Variants in CIITA observed in about 807,000 individuals in gnomAD.
CIITA encodes class II major histocompatibility complex transactivator.
In CIITA, 72 loss-of-function variants were observed where a neutral mutation model predicts 115.1. That is an observed-to-expected ratio of 0.63 (90% CI 0.52 to 0.76). The LOEUF (loss-of-function observed/expected upper bound fraction) is 0.76. Among genes scored for constraint, CIITA ranks in the 30% least tolerant of loss-of-function variants. CIITA has a pLI of 0.00. For synonymous variants in CIITA, 763 were observed against 635.6 expected, an observed-to-expected ratio of 1.20 and a Z score of -3.02; for missense variants, 1,617 against 1,463.8, an observed-to-expected ratio of 1.10 and a Z score of -1.71.
chr16:10,875,854 T>C (rs2143375585), upstream of CIITA, among the ~76,000 whole-genome samples: 2 of 152,142 alleles, frequency 1.3e-5, no homozygotes, highest in Middle Eastern at 3.4e-3. Context: ...AAAAATCATT[T>C]GTAGAAAAAT....
At chr16:10,911,146 A>G (rs2039534249) in intron 13 of CIITA, among the ~76,000 whole-genome samples, 1 of 152,222 alleles carries the variant, frequency 6.6e-6, no homozygotes, top group Non-Finnish European at 1.5e-5. Context: ...ATGGGCCCCA[A>G]GAAAGCACAA....
intron 8 of CIITA, among the ~76,000 whole-genome samples, 153 bp downstream of exon 8, chr16:10,902,954 C>T (rs1567407892): frequency 6.6e-6 from 1 of 152,192 alleles, no homozygotes; most frequent in Non-Finnish European, 1.5e-5. Context: ...TCCCTATTTC[C>T]CAAAAATCAA....
intron 10 of CIITA, among the ~76,000 whole-genome samples, 197 bp from the exon 11 acceptor site, chr16:10,906,302 G>T (rs769766438): frequency 6.6e-6 from 1 of 152,240 alleles, no homozygotes; most frequent in Non-Finnish European, 1.5e-5. Flanking sequence ...TGAGGTTGCA[G>T]CGAGCTGTGA....
At position 10,906,860 on chromosome 16, in the gene CIITA, G is replaced by A. The variant is rs1187269423; in HGVS notation, c.1368G>A (p.Leu456=). The A allele has an allele frequency of 1.2e-6, 2 of 1,613,496 alleles. No individual in the cohort carries two copies. Among genetic ancestry groups the A allele is most frequent in the Non-Finnish European group, 1.7e-6 (2 of 1,180,040 alleles). Residue 456 remains leucine, a synonymous_variant, in exon 11 of 20, where the codon TTG becomes TTA. Coordinates refer to ENST00000324288, the MANE Select transcript of CIITA (RefSeq NM_000246.4). ...TCTTCTCTGTCCCCTGCCATTGCTT[G>A]AACCGTCCGGGGGATGCCTATGGCC... ...DFVFSVPCHC[L]NRPGDAYGLQ...
At chr16:10,914,615 T>G (rs973207797) in intron 13 of CIITA, among the ~76,000 whole-genome samples, 1 of 152,174 alleles carries the variant, frequency 6.6e-6, no homozygotes, top group Admixed American at 6.5e-5. Context: ...TAAACGGCCC[T>G]TCGTTGTCCT....
rs1327084806 is a variant in CIITA at position 10,901,382 on chromosome 16, G to A, written c.437-132G>A. The A allele has an allele frequency of 1.1e-6, 1 of 889,148 alleles. No individual in the cohort carries two copies. The highest frequency in any genetic ancestry group is 2.0e-5 in the Admixed American group (1 of 50,792). The allele number at this position is 889,148 out of a possible 1,614,324, so 55.1% of individuals were successfully genotyped here. A position where few individuals can be genotyped will look rare whatever the true frequency, so the allele number is the denominator to read the frequency against. On this transcript the variant is annotated intron_variant, in intron 5 of 19. Transcript: ENST00000324288. This position sits in a 1 kb window ranked among gnomAD's most constrained non-coding sequence, Gnocchi z 6.8. ...GCTGGGGTTGGAATGTTAGAGCGAG[G>A]GGAGGAAAATGGACCCCCAAGACCA...
Position 10,942,024 on chromosome 16 carries a change from G to C in CIITA, n.1150G>C. 1 of 1,395,136 alleles carries C rather than the reference G, an allele frequency of 7.2e-7. No homozygotes were observed. Among genetic ancestry groups the C allele is most frequent in the Non-Finnish European group, 9.3e-7 (1 of 1,075,790 alleles). The allele number at this position is 1,395,136 out of a possible 1,614,324, so 86.4% of individuals were successfully genotyped here. ...CGAGCATGCAGCGGGTGGCAAGGGCGGCGGCCCGGCGATCCCGGCGAACTC... is the reference window on the plus strand; with the variant it reads ...CGAGCATGCAGCGGGTGGCAAGGGCCGCGGCCCGGCGATCCCGGCGAACTC... On this transcript the variant is annotated non_coding_transcript_exon_variant, in exon 2 of 2. Transcript: ENST00000573379. This position sits in a 1 kb window ranked among gnomAD's most constrained non-coding sequence, Gnocchi z 5.0.
In CIITA at chr16:10,929,264, T is replaced by C. The variant is rs1040334611; in HGVS notation, c.*5409T>C. 1.0e-6 allele frequency: 1 copy of C among 985,808 alleles called. No homozygotes were observed. The highest frequency in any genetic ancestry group is 6.1e-5 in the Admixed American group (1 of 16,262). 61.1% of individuals were successfully genotyped at this position (985,808 alleles called of 1,614,324 possible). On this transcript the variant is annotated 3_prime_UTR_variant, in exon 20 of 20. Transcript: ENST00000324288. The surrounding 1 kb of genome is among the most constrained non-coding windows in gnomAD (Gnocchi z 4.3). ...TTTTGCGTGTGTCCGCAGTTTGAAG[T>C]GTCCTCTCCGAAGGTGAAGTGGGGG...
At chr16:10,882,861 C>A (rs1197116443) in intron 1 of CIITA, among the ~76,000 whole-genome samples, 5 of 151,898 alleles carry the variant, frequency 3.3e-5, no homozygotes, top group Admixed American at 1.3e-4. Context: ...CACACCATTG[C>A]ACTCCAGCCT....
At chr16:10,890,647 A>G (rs1263770561) in intron 1 of CIITA, among the ~76,000 whole-genome samples, 3 of 152,152 alleles carry the variant, frequency 2.0e-5, no homozygotes, top group African/African-American at 7.2e-5. Flanking sequence ...AAAAGAACAG[A>G]AAGCTCGGCT....
At chr16:10,890,484 A>G (rs11643400) in intron 1 of CIITA, among the ~76,000 whole-genome samples, 135,406 of 152,116 alleles carry the variant, frequency 0.89, 62,430 homozygotes, top group East Asian at 1. Flanking sequence ...ATAGGGCTTC[A>G]CCATGTTGCC....
At chr16:10,890,942 C>T (rs1433703087) in intron 1 of CIITA, among the ~76,000 whole-genome samples, 1 of 152,052 alleles carries the variant, frequency 6.6e-6, no homozygotes, top group Non-Finnish European at 1.5e-5. Flanking sequence ...ATGAACTTGC[C>T]CAGGTTACAG....
intron 8 of CIITA, among the ~76,000 whole-genome samples, chr16:10,903,002 A>G (rs1301084761): frequency 1.3e-5 from 2 of 152,246 alleles, no homozygotes; most frequent in African/African-American, 2.4e-5. Context: ...GTCTGGGTGC[A>G]TGACCAAGAG....
intron 1 of CIITA, among the ~76,000 whole-genome samples, chr16:10,882,704 C>A (rs563298629): frequency 1.3e-5 from 2 of 152,158 alleles, no homozygotes; most frequent in Non-Finnish European, 2.9e-5. Flanking sequence ...TCGAGACCAG[C>A]CTGGGCAACA....
Position 10,941,422 on chromosome 16 carries a change from T to C in CIITA, n.548T>C. On this transcript the variant is annotated non_coding_transcript_exon_variant, in exon 2 of 2. Transcript: ENST00000573379. This position sits in a 1 kb window ranked among gnomAD's most constrained non-coding sequence, Gnocchi z 6.4. Reference sequence around the variant, plus strand: ...GCCCAAACGAAGGGCTTAAGAGGAGTCTGGCCATTCCTGGCATCCAGTTAG... The same window carrying C: ...GCCCAAACGAAGGGCTTAAGAGGAGCCTGGCCATTCCTGGCATCCAGTTAG... The C allele has an allele frequency of 2.8e-6, 2 of 725,738 alleles. No individual in the cohort carries two copies. The highest frequency in any genetic ancestry group is 3.7e-6 in the Non-Finnish European group (2 of 534,460). 45.0% of individuals were successfully genotyped at this position (725,738 alleles called of 1,614,324 possible).
At position 10,941,700 on chromosome 16, in the gene CIITA, G is replaced by C. The variant is rs534448508; in HGVS notation, n.826G>C. ...GGTTGCGGATCGTGTAGGGAAGAGGGGAACAGCAGTCGAGACCCTACTCCA... is the reference window on the plus strand; with the variant it reads ...GGTTGCGGATCGTGTAGGGAAGAGGCGAACAGCAGTCGAGACCCTACTCCA... On this transcript the variant is annotated non_coding_transcript_exon_variant, in exon 2 of 2. Transcript: ENST00000573379. The surrounding 1 kb of genome is among the most constrained non-coding windows in gnomAD (Gnocchi z 6.4). 9.4e-6 allele frequency: 15 copies of C among 1,592,884 alleles called. No individual in the cohort carries two copies. In the East Asian group the frequency reaches 3.2e-4, roughly 34 times the overall value.
At chr16:10,874,264 G>A (rs1163149293), upstream of CIITA, among the ~76,000 whole-genome samples, 5 of 152,184 alleles carry the variant, frequency 3.3e-5, no homozygotes, top group Non-Finnish European at 5.9e-5. Flanking sequence ...GATTACAGGC[G>A]TGAGCCACCA....
chr16:10,933,293 G>C lies in CIITA; in HGVS notation c.*9438G>C, dbSNP rs1368056125. On this transcript the variant is annotated 3_prime_UTR_variant, in exon 20 of 20. Transcript: ENST00000324288. ...AATGTCTTAGCTCAGTAACTCTGCA[G>C]AGAAGCTGCCTGGTTCAGGATGTGG... is the stretch of plus-strand genomic sequence containing the variant. 6.6e-6 allele frequency: 1 copy of C among 152,290 alleles called. No homozygotes were observed. Among genetic ancestry groups the C allele is most frequent in the African/African-American group, 2.4e-5 (1 of 41,466 alleles). The allele number at this position is 152,290 out of a possible 1,614,324, so 9.4% of individuals were successfully genotyped here.
Position 10,931,203 on chromosome 16 carries a change from T to C in CIITA, c.*7348T>C, listed in dbSNP as rs113207029. The C allele has an allele frequency of 0.016, 2,400 of 148,904 alleles. 64 individuals are homozygous for C. The highest frequency in any genetic ancestry group is 0.056 in the African/African-American group (2,291 of 41,072). 9.2% of individuals were successfully genotyped at this position (148,904 alleles called of 1,614,324 possible). On this transcript the variant is annotated 3_prime_UTR_variant, in exon 20 of 20. Coordinates refer to ENST00000324288, the MANE Select transcript of CIITA (RefSeq NM_000246.4). ...CCAGGCATAGTGTAGTCTCAGCTAC[T>C]TGGAAGGCTGAGGCAGGAGGATTGC... is the stretch of plus-strand genomic sequence containing the variant.
Sources: allele counts gnomAD v4.1 joint callset (sites outside exome capture counted in the v4.1 genomes callset), GRCh38; gene constraint gnomAD v4.1.1; non-coding constraint Gnocchi (gnomAD v3.1); transcripts MANE v1.5; gene names NCBI Gene and HGNC (gene_info 2026-07-23, HGNC 2026-07-21).